The following ERC1 variants were observed in gnomAD, a reference collection of about 807,000 sequenced individuals.
ERC1 encodes ELKS/RAB6-interacting/CAST family member 1.
ERC1 carries 56 observed loss-of-function variants against 132.0 expected under a neutral mutation model. The observed-to-expected ratio is 0.42, with a 90% CI of 0.34 to 0.53. The LOEUF is 0.53. ERC1 is among the 20% of genes least tolerant of loss of function. The pLI is 0.03. For missense variants in ERC1, 1,202 were observed against 1,349.9 expected, an observed-to-expected ratio of 0.89 and a Z score of 1.72; for synonymous variants, 478 against 476.1, an observed-to-expected ratio of 1.00 and a Z score of -0.05.
intron 15 of ERC1, among the ~76,000 whole-genome samples, chr12:1,359,315 A>G (rs902527813): frequency 6.6e-6 from 1 of 152,194 alleles, no homozygotes; most frequent in Non-Finnish European, 1.5e-5. Context: ...CACTCAACAG[A>G]AATAGAGACA....
chr12:1,485,304 AAG>A (rs2094193122), intron 18 of ERC1, among the ~76,000 whole-genome samples: 4 of 143,932 alleles, frequency 2.8e-5, no homozygotes, highest in African/African-American at 1.0e-4. Context: ...TCCTGGATTC[AAG>A]CAATTCTTCT....
intron 15 of ERC1, among the ~76,000 whole-genome samples, chr12:1,354,290 G>A (rs1319403596): frequency 1.3e-5 from 2 of 152,042 alleles, no homozygotes; most frequent in African/African-American, 4.8e-5. Context: ...TTGGGAGGCC[G>A]AGGTGGGCCA....
At chr12:1,484,734 T>C (rs557508100) in intron 18 of ERC1, among the ~76,000 whole-genome samples, 9 of 151,782 alleles carry the variant, frequency 5.9e-5, no homozygotes, top group South Asian at 4.2e-4. Context: ...CACGCCACCA[T>C]GCCCGGCTAA....
chr12:1,375,774 G>A (rs997968128), intron 16 of ERC1, among the ~76,000 whole-genome samples: 11 of 113,702 alleles, frequency 9.7e-5, no homozygotes, highest in African/African-American at 3.2e-4. Flanking sequence ...GTTTTGCTCT[G>A]TTCCCCAGGC....
intron 15 of ERC1, among the ~76,000 whole-genome samples, chr12:1,300,931 G>T (rs1019921657): frequency 2.6e-5 from 4 of 152,034 alleles, no homozygotes; most frequent in African/African-American, 9.7e-5. Flanking sequence ...GTTTGATCCA[G>T]CAATCCCATC....
chr12:1,307,248 G>A (rs887707271), intron 15 of ERC1, among the ~76,000 whole-genome samples: 2 of 152,116 alleles, frequency 1.3e-5, no homozygotes, highest in South Asian at 2.1e-4. Context: ...TGAGTATTGC[G>A]TAAAATAAGT....
At chr12:1,111,957 G>A (rs1191992329) in intron 5 of ERC1, among the ~76,000 whole-genome samples, 1 of 152,024 alleles carries the variant, frequency 6.6e-6, no homozygotes, top group Non-Finnish European at 1.5e-5. Flanking sequence ...ACCCTGATTT[G>A]AGAACAAGAC....
intron 8 of ERC1, among the ~76,000 whole-genome samples, chr12:1,178,622 G>A (rs999172122): frequency 1.3e-5 from 2 of 152,024 alleles, no homozygotes; most frequent in African/African-American, 4.8e-5. Flanking sequence ...TTTTCTCTTG[G>A]GGGTGAGGGC....
In ERC1 at chr12:1,110,733, C is replaced by T. The variant is rs555861549; in HGVS notation, c.1317+386C>T. On this transcript the variant is annotated intron_variant, in intron 5 of 18. Coordinates refer to ENST00000360905, the MANE Select transcript of ERC1 (RefSeq NM_178040.4). ...CCCTAAGAGGCTTGAGATGGAGTTT[C>T]GCTCTTGTCACCCAGGCTGGAGTGC... 7.9e-5 allele frequency among the ~76,000 whole-genome samples: 12 copies of T among 152,126 alleles called. No individual in the cohort carries two copies. In the South Asian group the frequency reaches 2.1e-3, roughly 26 times the overall value.
intron 11 of ERC1, among the ~76,000 whole-genome samples, chr12:1,186,899 C>T (rs1176751668): frequency 7.2e-5 from 11 of 152,138 alleles, no homozygotes; most frequent in Non-Finnish European, 1.6e-4. Flanking sequence ...GGCACAATCT[C>T]GACTCACTGC....
At chr12:1,383,976 G>GTGGC (rs1218073898) in intron 16 of ERC1, among the ~76,000 whole-genome samples, 2 of 152,154 alleles carry the variant, frequency 1.3e-5, no homozygotes, top group African/African-American at 2.4e-5. Context: ...TAGCTCATAA[G>GTGGC]TGGCTGAGCC....
chr12:1,477,900 G>A (rs185574952), intron 18 of ERC1, among the ~76,000 whole-genome samples: 11 of 152,252 alleles, frequency 7.2e-5, no homozygotes, highest in South Asian at 6.2e-4. Context: ...TCATGTTTAC[G>A]AATTGTATCT....
At chr12:1,055,455 C>T (rs144498795) in intron 2 of ERC1, among the ~76,000 whole-genome samples, 208 of 152,318 alleles carry the variant, frequency 1.4e-3, no homozygotes, top group African/African-American at 4.7e-3. Flanking sequence ...GCTGGGATTA[C>T]AGGCGTGAAC....
intron 8 of ERC1, among the ~76,000 whole-genome samples, chr12:1,145,017 G>T (rs1171491808): frequency 6.6e-6 from 1 of 151,836 alleles, no homozygotes; most frequent in Non-Finnish European, 1.5e-5. Context: ...AATTAGTGAT[G>T]CAGAGCTTTT....
intron 15 of ERC1, among the ~76,000 whole-genome samples, chr12:1,330,029 A>T (rs2082746656): frequency 6.6e-6 from 1 of 152,206 alleles, no homozygotes; most frequent in Non-Finnish European, 1.5e-5. Flanking sequence ...AGTGGATTCA[A>T]CCCTGAAGTT....
At chr12:1,153,416 G>T (rs1255504103) in intron 8 of ERC1, among the ~76,000 whole-genome samples, 1 of 152,206 alleles carries the variant, frequency 6.6e-6, no homozygotes, top group South Asian at 2.1e-4. Flanking sequence ...GTTTAACTGT[G>T]CCTTCAGAAT....
At chr12:1,488,073 G>A (rs1345465217) in intron 18 of ERC1, among the ~76,000 whole-genome samples, 1 of 151,452 alleles carries the variant, frequency 6.6e-6, no homozygotes, top group Non-Finnish European at 1.5e-5. Flanking sequence ...GGGAGGCGGA[G>A]GTTGCAGTGA....
intron 1 of ERC1, among the ~76,000 whole-genome samples, chr12:1,019,051 A>T (rs1458851003): frequency 6.6e-6 from 1 of 152,198 alleles, no homozygotes; most frequent in African/African-American, 2.4e-5. Context: ...GACAGTGGAT[A>T]AGTAGTAGTT....
At chr12:1,031,052 C>T (rs1284819430) in intron 2 of ERC1, among the ~76,000 whole-genome samples, 1 of 152,184 alleles carries the variant, frequency 6.6e-6, no homozygotes, top group African/African-American at 2.4e-5. Context: ...TCTTACCATT[C>T]TTACTATTAT....
Sources: gnomAD v4.1 joint callset for allele counts (sites outside exome capture counted in the v4.1 genomes callset) on GRCh38, gnomAD v4.1.1 for gene constraint, MANE v1.5 for transcripts, NCBI Gene and HGNC (gene_info 2026-07-23, HGNC 2026-07-21) for gene names.